Variants in ELMO1 observed in about 807,000 individuals in gnomAD.
ELMO1 encodes engulfment and cell motility 1.
In ELMO1, 26 loss-of-function variants were observed where a neutral mutation model predicts 98.9. That is an observed-to-expected ratio of 0.26 (90% confidence interval 0.19 to 0.36). The LOEUF (loss-of-function observed/expected upper bound fraction) is 0.36, where lower values mean the gene tolerates loss of function less well. ELMO1 is among the 10% of genes least tolerant of loss of function. ELMO1 has a pLI of 1.00. For missense variants in ELMO1, 627 were observed against 935.2 expected, an observed-to-expected ratio of 0.67 and a Z score of 4.30; for synonymous variants, 346 against 346.0, an observed-to-expected ratio of 1.00 and a Z score of 0.00.
chr7:37,146,356 C>G (rs1341841213), intron 13 of ELMO1, among the ~76,000 whole-genome samples: 3 of 152,162 alleles, frequency 2.0e-5, no homozygotes, highest in African/African-American at 7.2e-5. Flanking sequence ...ACTATAAGAA[C>G]CACTGCTCCA....
chr7:37,092,900 A>C (rs147293471), intron 15 of ELMO1, among the ~76,000 whole-genome samples: 1,565 of 149,992 alleles, frequency 0.01, 10 homozygotes, highest in Middle Eastern at 0.024. Flanking sequence ...CTCTGTCTAC[A>C]CTGTCTTTCT....
chr7:36,869,969 C>T (rs747793730), intron 20 of ELMO1, among the ~76,000 whole-genome samples: 4 of 152,084 alleles, frequency 2.6e-5, no homozygotes, highest in South Asian at 2.1e-4. Context: ...GCTGAGATCC[C>T]GGGGAGGATA....
intron 15 of ELMO1, among the ~76,000 whole-genome samples, chr7:37,048,834 T>C (rs147309955): frequency 6.6e-6 from 1 of 152,300 alleles, no homozygotes; most frequent in Non-Finnish European, 1.5e-5. Flanking sequence ...CCTATTTGGA[T>C]AGTTAAAGTT....
chr7:36,962,441 C>T (rs778448967), intron 16 of ELMO1, among the ~76,000 whole-genome samples: 8 of 152,020 alleles, frequency 5.3e-5, no homozygotes, highest in African/African-American at 4.8e-5. Context: ...ACCCAAGAAG[C>T]GGAGAGCACT....
chr7:37,383,500 T>C (rs1802661534), intron 1 of ELMO1, among the ~76,000 whole-genome samples: 1 of 152,252 alleles, frequency 6.6e-6, no homozygotes, highest in Admixed American at 6.5e-5. Context: ...GGTGAGTTAA[T>C]GAAATTTTAC....
intron 15 of ELMO1, among the ~76,000 whole-genome samples, chr7:37,031,824 C>T (rs1293245465): frequency 6.6e-6 from 1 of 152,214 alleles, no homozygotes; most frequent in African/African-American, 2.4e-5. Flanking sequence ...CTTCTCCTCA[C>T]ATTGAAATAT....
At chr7:36,986,011 G>A in intron 16 of ELMO1, 8 of 1,002,500 alleles carry the variant, frequency 8.0e-6, no homozygotes, top group Non-Finnish European at 9.6e-6. Context: ...TCCCCCTGAA[G>A]AACAATGTGC....
At chr7:37,304,375 G>A (rs1798497268) in intron 4 of ELMO1, among the ~76,000 whole-genome samples, 1 of 152,126 alleles carries the variant, frequency 6.6e-6, no homozygotes, top group Admixed American at 6.5e-5. Flanking sequence ...GTGTGTGTGT[G>A]TACATATGCA....
intron 1 of ELMO1, among the ~76,000 whole-genome samples, chr7:37,358,798 G>C (rs1801591144): frequency 6.6e-6 from 1 of 152,198 alleles, no homozygotes; most frequent in Non-Finnish European, 1.5e-5. Context: ...CCGGGCACAA[G>C]CTGACCAGAT....
At chr7:37,315,850 C>T in intron 3 of ELMO1, 70 bp downstream of exon 3, 2 of 1,340,100 alleles carry the variant, frequency 1.5e-6, no homozygotes. Flanking sequence ...TACTATCCTA[C>T]TGGAAATATA....
At chr7:37,129,265 A>T (rs1234078947) in intron 14 of ELMO1, among the ~76,000 whole-genome samples, 1 of 152,184 alleles carries the variant, frequency 6.6e-6, no homozygotes. Flanking sequence ...CTTTAGGAAG[A>T]TCATCCTAGC....
At chr7:37,140,516 A>G (rs1787565622) in intron 13 of ELMO1, among the ~76,000 whole-genome samples, 1 of 152,196 alleles carries the variant, frequency 6.6e-6, no homozygotes, top group South Asian at 2.1e-4. Flanking sequence ...ATGCAACAAA[A>G]ACAAACATAA....
chr7:37,171,682 CG>C (rs1790177243), intron 13 of ELMO1, among the ~76,000 whole-genome samples: 1 of 151,534 alleles, frequency 6.6e-6, no homozygotes, highest in Non-Finnish European at 1.5e-5. Context: ...TTAGTGGAGA[CG>C]GGGTTTCACC....
At chr7:37,042,901 A>G (rs1408846886) in intron 15 of ELMO1, among the ~76,000 whole-genome samples, 1 of 152,202 alleles carries the variant, frequency 6.6e-6, no homozygotes, top group Non-Finnish European at 1.5e-5. Context: ...AGTTCTGCGC[A>G]TCACATTTTC....
At chr7:37,247,897 G>A (rs1188744723) in intron 6 of ELMO1, among the ~76,000 whole-genome samples, 22 of 144,604 alleles carry the variant, frequency 1.5e-4, no homozygotes, top group Admixed American at 1.5e-3. Flanking sequence ...GAAATAAAAT[G>A]TGTGTGTGTG....
intron 14 of ELMO1, among the ~76,000 whole-genome samples, chr7:37,121,121 C>T (rs2129287959): frequency 6.6e-6 from 1 of 152,286 alleles, no homozygotes; most frequent in South Asian, 2.1e-4. Context: ...AAAACCCCAT[C>T]TGCACGTCAC....
At chr7:37,447,696 T>C (rs1260595103) in intron 1 of ELMO1, among the ~76,000 whole-genome samples, 21 of 111,412 alleles carry the variant, frequency 1.9e-4, no homozygotes, top group African/African-American at 3.9e-4. Context: ...CACACATACA[T>C]ACGCGCGCGC....
chr7:36,937,891 A>C (rs1786684619), intron 16 of ELMO1, among the ~76,000 whole-genome samples: 1 of 152,220 alleles, frequency 6.6e-6, no homozygotes, highest in Non-Finnish European at 1.5e-5. Flanking sequence ...AACACTCTCT[A>C]GTGGCCCCTG....
intron 13 of ELMO1, among the ~76,000 whole-genome samples, chr7:37,141,786 G>C (rs928976891): frequency 8.5e-6 from 1 of 118,138 alleles, no homozygotes; most frequent in Non-Finnish European, 1.8e-5. Flanking sequence ...GTGCTGGAAG[G>C]CCTTTCTGTT....
Sources: allele counts gnomAD v4.1 joint callset (sites outside exome capture counted in the v4.1 genomes callset), GRCh38; gene constraint gnomAD v4.1.1; transcripts MANE v1.5; gene names NCBI Gene and HGNC (gene_info 2026-07-23, HGNC 2026-07-21).